ANKRD28: variants seen among roughly 807,000 people sequenced by gnomAD.
ANKRD28 encodes serine/threonine-protein phosphatase 6 regulatory ankyrin repeat subunit A.
A neutral mutation model predicts 126.5 loss-of-function variants in ANKRD28; 44 were observed. The observed-to-expected ratio is 0.35, with a 90% CI of 0.27 to 0.45. The LOEUF (loss-of-function observed/expected upper bound fraction) is 0.45. Among genes scored for constraint, ANKRD28 ranks in the 20% least tolerant of loss-of-function variants. The probability of loss-of-function intolerance (pLI) is 1.00; values close to 1 mark genes in which losing one functional copy is unlikely to be tolerated. For synonymous variants in ANKRD28, 442 were observed against 468.5 expected, an observed-to-expected ratio of 0.94 and a Z score of 0.73; for missense variants, 1,110 against 1,316.6, an observed-to-expected ratio of 0.84 and a Z score of 2.43.
chr3:15,857,667 C>T lies in ANKRD28; in HGVS notation c.27+1710G>A, dbSNP rs542664865. Among the ~76,000 whole-genome samples, 23 of 152,342 alleles carry T rather than the reference C, an allele frequency of 1.5e-4. No homozygotes were observed. The Middle Eastern group carries it at 0.01, about 68-fold the overall frequency. On this transcript the variant is annotated intron_variant, in intron 1 of 27. Transcript: ENST00000399451. ...CTGGAGTGGCATCACAATTTTCTCA[C>T]AACTGCAATTCCAAAATAAAATCCA... is the stretch of plus-strand genomic sequence containing the variant.
intron 2 of ANKRD28, among the ~76,000 whole-genome samples, chr3:15,770,955 T>C (rs1382777703): frequency 6.6e-6 from 1 of 152,156 alleles, no homozygotes; most frequent in Non-Finnish European, 1.5e-5. Context: ...ACTTAACACA[T>C]CTTATTTACT....
intron 10 of ANKRD28, among the ~76,000 whole-genome samples, chr3:15,712,983 T>C (rs2072521019): frequency 6.6e-6 from 1 of 152,204 alleles, no homozygotes; most frequent in African/African-American, 2.4e-5. Context: ...AATTTAAGTA[T>C]GGTGTTTCTT....
intron 10 of ANKRD28, among the ~76,000 whole-genome samples, chr3:15,713,323 A>G (rs2072576896): frequency 6.6e-6 from 1 of 152,244 alleles, no homozygotes; most frequent in Non-Finnish European, 1.5e-5. Context: ...CTGGGGTAAC[A>G]TACATAAAAA....
At chr3:15,827,513 CACATTTATTCTTTTGCATGTGGGG>C (rs1291670824) in intron 1 of ANKRD28, among the ~76,000 whole-genome samples, 2 of 152,134 alleles carry the variant, frequency 1.3e-5, no homozygotes, top group Non-Finnish European at 2.9e-5. Context: ...GGTAAGGGAT[CACATTTATTCTTTTGCATGTGGGG>C]AAATCTAGTT....
At chr3:15,747,047 C>G (rs1214064221) in intron 4 of ANKRD28, among the ~76,000 whole-genome samples, 1 of 152,050 alleles carries the variant, frequency 6.6e-6, no homozygotes, top group African/African-American at 2.4e-5. Flanking sequence ...TGTAATATCT[C>G]CCATTTCATT....
At chr3:15,694,038 C>T (rs1223786314) in intron 17 of ANKRD28, among the ~76,000 whole-genome samples, 2 of 152,052 alleles carry the variant, frequency 1.3e-5, no homozygotes, top group Non-Finnish European at 2.9e-5. Flanking sequence ...CCCTGGTCTC[C>T]TGATTCTCAA....
intron 26 of ANKRD28, chr3:15,676,724 A>G: frequency 3.0e-6 from 1 of 328,210 alleles, no homozygotes; most frequent in South Asian, 3.9e-5. Flanking sequence ...TCAGAAAATT[A>G]GGTAGGTGGA....
chr3:15,839,604 C>T lies in ANKRD28; in HGVS notation c.27+19773G>A, dbSNP rs1016124475. On this transcript the variant is annotated intron_variant, in intron 1 of 27. Transcript: ENST00000399451. The surrounding 1 kb of genome is among the most constrained non-coding windows in gnomAD (Gnocchi z 4.3). Reference sequence around the variant, plus strand: ...AAAGACACATTAAAAAAAAAGAAAACGATAGGCCAATATCACTGAGTAATA... The same window carrying T: ...AAAGACACATTAAAAAAAAAGAAAATGATAGGCCAATATCACTGAGTAATA... Among the ~76,000 whole-genome samples, 7 of 151,430 alleles carry T rather than the reference C, an allele frequency of 4.6e-5. No individual in the cohort carries two copies. The highest frequency in any genetic ancestry group is 3.9e-4 in the East Asian group (2 of 5,162).
chr3:15,841,296 T>C (rs899372148), intron 1 of ANKRD28, among the ~76,000 whole-genome samples: 10 of 152,208 alleles, frequency 6.6e-5, no homozygotes, highest in African/African-American at 2.4e-4. Context: ...AAAGATTTCT[T>C]GGCTAATACT....
intron 9 of ANKRD28, among the ~76,000 whole-genome samples, chr3:15,714,265 A>G (rs2126092964): frequency 6.6e-6 from 1 of 152,300 alleles, no homozygotes; most frequent in East Asian, 1.9e-4. Context: ...TACAGAGTAC[A>G]CACATTAATA....
intron 3 of ANKRD28, among the ~76,000 whole-genome samples, chr3:15,757,688 A>C (rs2058237940): frequency 1.3e-5 from 2 of 152,144 alleles, no homozygotes; most frequent in Admixed American, 1.3e-4. Flanking sequence ...GTGGGCCCTC[A>C]CCAGATACCA....
intron 3 of ANKRD28, among the ~76,000 whole-genome samples, chr3:15,757,420 T>C (rs2058222725): frequency 6.6e-6 from 1 of 152,210 alleles, no homozygotes; most frequent in Non-Finnish European, 1.5e-5. Flanking sequence ...TTCTATCCTA[T>C]TTTGGAATAT....
chr3:15,722,268 G>A lies in ANKRD28; in HGVS notation c.784-1141C>T, dbSNP rs1364140703. 1.6e-4 allele frequency among the ~76,000 whole-genome samples: 25 copies of A among 152,264 alleles called. No individual in the cohort carries two copies. In the South Asian group the frequency reaches 3.9e-3, roughly 24 times the overall value. ...ATCAACCACATGGACAACCAATCAA[G>A]CCATATAATGGAGCCCCAATAAAAA... is the stretch of plus-strand genomic sequence containing the variant. On this transcript the variant is annotated intron_variant, in intron 7 of 27. Coordinates refer to ENST00000683139, the MANE Select transcript of ANKRD28 (RefSeq NM_001349278.2).
In ANKRD28 at chr3:15,833,515, A is replaced by C. The variant is rs2125941675; in HGVS notation, c.27+25862T>G. On this transcript the variant is annotated intron_variant, in intron 1 of 27. Coordinates refer to the ANKRD28 transcript ENST00000399451. This position sits in a 1 kb window ranked among gnomAD's most constrained non-coding sequence, Gnocchi z 4.4. ...AAAAATATACTACATATTATGTACT[A>C]TATATATATAAAATATATACATTAT... is the stretch of plus-strand genomic sequence containing the variant. 6.7e-6 allele frequency among the ~76,000 whole-genome samples: 1 copy of C among 148,244 alleles called. No individual in the cohort carries two copies. The highest frequency in any genetic ancestry group is 6.8e-5 in the Admixed American group (1 of 14,794).
intron 6 of ANKRD28, among the ~76,000 whole-genome samples, chr3:15,726,012 C>T (rs989554797): frequency 7.2e-5 from 11 of 152,280 alleles, no homozygotes; most frequent in African/African-American, 2.6e-4. Flanking sequence ...CACTGCACTC[C>T]AGCCTGGATG....
chr3:15,782,075 T>C (rs1158480558), intron 2 of ANKRD28, among the ~76,000 whole-genome samples: 4 of 152,154 alleles, frequency 2.6e-5, no homozygotes, highest in Admixed American at 6.6e-5. Flanking sequence ...TTCTAAGTTA[T>C]GCATTTTGGC....
intron 8 of ANKRD28, among the ~76,000 whole-genome samples, chr3:15,716,633 TAAG>T (rs1220089904): frequency 1.3e-5 from 2 of 151,852 alleles, no homozygotes; most frequent in African/African-American, 4.8e-5. Flanking sequence ...ATTCCATTGA[TAAG>T]AAGGATAAGA....
At chr3:15,835,255 A>G (rs1235750359) in intron 1 of ANKRD28, among the ~76,000 whole-genome samples, 1 of 152,236 alleles carries the variant, frequency 6.6e-6, no homozygotes, top group Non-Finnish European at 1.5e-5. Context: ...ATACACAAAC[A>G]GTAAGCAATC....
chr3:15,788,902 C>G (rs570912527), intron 2 of ANKRD28, among the ~76,000 whole-genome samples: 4 of 151,368 alleles, frequency 2.6e-5, no homozygotes, highest in African/African-American at 9.7e-5. Flanking sequence ...ACACATTTAC[C>G]CCCCCAAAAA....
Sources: gnomAD v4.1 joint callset for allele counts (sites outside exome capture counted in the v4.1 genomes callset) on GRCh38, gnomAD v4.1.1 for gene constraint, Gnocchi (gnomAD v3.1) non-coding constraint, MANE v1.5 for transcripts, NCBI Gene and HGNC (gene_info 2026-07-23, HGNC 2026-07-21) for gene names.